CHD6: variants seen among roughly 807,000 people sequenced by gnomAD.
CHD6 encodes the protein chromodomain helicase DNA binding protein 6, also known as ATP-dependent chromatin remodeler CHD6.
CHD6 carries 50 observed loss-of-function variants against 276.9 expected under a neutral mutation model. That is an observed-to-expected ratio of 0.18 (90% CI 0.14 to 0.23). The LOEUF (loss-of-function observed/expected upper bound fraction) is 0.23. CHD6 is among the 10% of genes least tolerant of loss of function. The pLI is 1.00. For missense variants in CHD6, 2,564 were observed against 3,365.8 expected, an observed-to-expected ratio of 0.76 and a Z score of 5.89; for synonymous variants, 1,173 against 1,229.3, an observed-to-expected ratio of 0.95 and a Z score of 0.96.
intron 1 of CHD6, among the ~76,000 whole-genome samples, chr20:41,593,011 A>C (rs2045679572): frequency 6.6e-6 from 1 of 152,146 alleles, no homozygotes; most frequent in Non-Finnish European, 1.5e-5. Flanking sequence ...ACTTCCTTAA[A>C]CAAGAAAGAA....
intron 36 of CHD6, among the ~76,000 whole-genome samples, chr20:41,407,869 T>C (rs2046726050): frequency 6.6e-6 from 1 of 152,286 alleles, no homozygotes; most frequent in South Asian, 2.1e-4. Context: ...TGTCAGGCAC[T>C]GTACGAAGGG....
Position 41,564,478 on chromosome 20 carries a change from T to C in CHD6, c.-23-13118A>G, listed in dbSNP as rs76250077. Among the ~76,000 whole-genome samples the C allele has an allele frequency of 2.7e-4, 41 of 152,230 alleles. No homozygotes were observed. In the East Asian group the frequency reaches 6.2e-3, roughly 23 times the overall value. ...ATATGACATTCAAGAAAAGGTAAAA[T>C]TGTAGGAACAAAAAACATACCAGTG... On this transcript the variant is annotated intron_variant, in intron 1 of 36. Coordinates refer to ENST00000373233, the MANE Select transcript of CHD6 (RefSeq NM_032221.5).
chr20:41,500,403 A>G (rs1011744732), intron 5 of CHD6, among the ~76,000 whole-genome samples: 1 of 152,176 alleles, frequency 6.6e-6, no homozygotes, highest in Non-Finnish European at 1.5e-5. Context: ...ATGGCAGAAA[A>G]GAATTATGGA....
intron 2 of CHD6, among the ~76,000 whole-genome samples, chr20:41,544,942 G>A (rs1051384678): frequency 1.3e-5 from 2 of 152,034 alleles, no homozygotes; most frequent in Non-Finnish European, 2.9e-5. Flanking sequence ...ATGGGCCTCT[G>A]AGGTCGAGTT....
intron 26 of CHD6, among the ~76,000 whole-genome samples, chr20:41,438,502 A>G (rs908481142): frequency 1.3e-5 from 2 of 152,130 alleles, no homozygotes; most frequent in African/African-American, 4.8e-5. Context: ...AGGCAGGAGA[A>G]TTGCTTGAAA....
At chr20:41,592,037 T>C (rs1278000338) in intron 1 of CHD6, among the ~76,000 whole-genome samples, 1 of 152,054 alleles carries the variant, frequency 6.6e-6, no homozygotes, top group African/African-American at 2.4e-5. Context: ...AGGCAGAGCT[T>C]GTAGTGAGCC....
intron 5 of CHD6, among the ~76,000 whole-genome samples, chr20:41,508,765 C>A (rs1398061245): frequency 6.6e-6 from 1 of 151,942 alleles, no homozygotes; most frequent in East Asian, 1.9e-4. Flanking sequence ...CAAGGAGTCT[C>A]AGAAAGGAGC....
At chr20:41,472,755 C>T (rs750755862) in intron 17 of CHD6, among the ~76,000 whole-genome samples, 6 of 152,154 alleles carry the variant, frequency 3.9e-5, no homozygotes, top group Non-Finnish European at 5.9e-5. Flanking sequence ...TTGCAGTAAT[C>T]TTTTAAAGCC....
At position 41,447,894 on chromosome 20, in the gene CHD6, C is replaced by T; in HGVS notation, c.3761G>A (p.Gly1254Glu). Residue 1254 changes from glycine (G) to glutamate (E), a missense_variant, in exon 24 of 37, where the codon GGA becomes GAA. Physicochemically the swap from Gly to Glu is moderately conservative, Grantham distance 98 (BLOSUM62 -2). Transcript: ENST00000373233. ...LGEAAEKAFE[G>E]SPARELDVPL... Reference sequence around the variant, plus strand: ...TCATTTGCTTTACCTGGCAGGAGATCCTTCAAATGCTTTCTCAGCTGCTTC... The same window carrying T: ...TCATTTGCTTTACCTGGCAGGAGATTCTTCAAATGCTTTCTCAGCTGCTTC... The T allele has an allele frequency of 3.1e-6, 5 of 1,608,588 alleles. No individual in the cohort carries two copies. The highest frequency in any genetic ancestry group is 4.2e-6 in the Non-Finnish European group (5 of 1,176,892).
chr20:41,562,237 A>T (rs1281675955), intron 1 of CHD6, among the ~76,000 whole-genome samples: 1 of 152,042 alleles, frequency 6.6e-6, no homozygotes, highest in Non-Finnish European at 1.5e-5. Flanking sequence ...GTGTGCTCTG[A>T]TATTTTATTT....
chr20:41,588,047 G>A (rs2045615185), intron 1 of CHD6, among the ~76,000 whole-genome samples: 1 of 152,002 alleles, frequency 6.6e-6, no homozygotes, highest in African/African-American at 2.4e-5. Flanking sequence ...GTAGAGGCAG[G>A]TAGCAGCAGG....
chr20:41,414,357 G>C (rs958103817), intron 34 of CHD6: 2 of 152,708 alleles, frequency 1.3e-5, no homozygotes, highest in Non-Finnish European at 2.9e-5. Flanking sequence ...TATAAAATGG[G>C]AATAACAAAG....
chr20:41,533,368 T>C lies in CHD6; in HGVS notation c.236A>G (p.His79Arg). Reference sequence around the variant, plus strand: ...TCCTCCACTGTCCTCCATCCCATTATGGGATGTCATTTTCCTAGGAAAAAG... The same window carrying C: ...TCCTCCACTGTCCTCCATCCCATTACGGGATGTCATTTTCCTAGGAAAAAG... ...ATLFPRKMTS[H>R]NGMEDSGGGG... The change falls in exon 3 of 37, where the codon CAT becomes CGT. Residue 79 changes from histidine to arginine, a missense_variant. By Grantham distance (29) the His-to-Arg change is conservative (BLOSUM62 0). This residue lies in a region of CHD6 where 286 missense variants were observed against 297.8 expected (regional missense o/e 0.96). Transcript: ENST00000373233. 4 of 1,614,158 alleles carry C rather than the reference T, an allele frequency of 2.5e-6. No individual in the cohort carries two copies. The highest frequency in any genetic ancestry group is 1.1e-5 in the South Asian group (1 of 91,078).
intron 1 of CHD6, among the ~76,000 whole-genome samples, chr20:41,555,180 G>A (rs1362441810): frequency 1.5e-4 from 20 of 130,634 alleles, no homozygotes; most frequent in East Asian, 6.3e-4. Flanking sequence ...CAGTAGGGGC[G>A]GCCGGGCAGA....
At position 41,452,225 on chromosome 20, in the gene CHD6, C is replaced by T. The variant is rs560826709; in HGVS notation, c.3324-200G>A. Among the ~76,000 whole-genome samples, 6 of 152,160 alleles carry T rather than the reference C, an allele frequency of 3.9e-5. No individual in the cohort carries two copies. The South Asian group carries it at 6.2e-4, about 16-fold the overall frequency. On this transcript the variant is annotated intron_variant, in intron 21 of 36. Transcript: ENST00000373233. This position sits in a 1 kb window ranked among gnomAD's most constrained non-coding sequence, Gnocchi z 4.2. ...CCGAATATCACTAAAGTGACCTGGA[C>T]GTTGGACACTGAGAGCTTCATATGG... is the stretch of plus-strand genomic sequence containing the variant.
At chr20:41,575,198 C>T (rs986143626) in intron 1 of CHD6, among the ~76,000 whole-genome samples, 3 of 152,202 alleles carry the variant, frequency 2.0e-5, no homozygotes, top group Admixed American at 6.5e-5. Context: ...CCCCTATGCT[C>T]AGCCTGCTTC....
intron 1 of CHD6, among the ~76,000 whole-genome samples, chr20:41,557,013 G>T (rs2045246146): frequency 6.6e-6 from 1 of 152,206 alleles, no homozygotes; most frequent in Non-Finnish European, 1.5e-5. Context: ...TCACTCAGAA[G>T]TTCTGACTAG....
At chr20:41,544,366 T>C (rs1601121959) in intron 2 of CHD6, among the ~76,000 whole-genome samples, 1 of 152,348 alleles carries the variant, frequency 6.6e-6, no homozygotes, top group Non-Finnish European at 1.5e-5. Flanking sequence ...AAAAACTTGG[T>C]CACCAGAGCT....
intron 2 of CHD6, among the ~76,000 whole-genome samples, chr20:41,544,773 A>G (rs992163351): frequency 4.6e-5 from 7 of 151,170 alleles, no homozygotes; most frequent in African/African-American, 1.7e-4. Flanking sequence ...ATATTATAAT[A>G]ATCATATTAC....
Sources: gnomAD v4.1 joint callset for allele counts (sites outside exome capture counted in the v4.1 genomes callset) on GRCh38, gnomAD v4.1.1 for gene constraint, gnomAD v4.1.1 regional missense constraint, Gnocchi (gnomAD v3.1) non-coding constraint, MANE v1.5 for transcripts, NCBI Gene and HGNC (gene_info 2026-07-23, HGNC 2026-07-21) for gene names.